The following CSMD1 variants were observed in gnomAD, a reference collection of about 807,000 sequenced individuals.
The protein encoded by CSMD1 is CUB and Sushi multiple domains 1.
CSMD1 carries 213 observed loss-of-function variants against 417.5 expected under a neutral mutation model. The observed-to-expected ratio is 0.51, with a 90% CI of 0.46 to 0.57. CSMD1 has a LOEUF of 0.57. CSMD1 is among the 20% of genes least tolerant of loss of function. The probability of loss-of-function intolerance (pLI) is 0.00; values close to 1 mark genes in which losing one functional copy is unlikely to be tolerated. For missense variants in CSMD1, 6,923 were observed against 4,529.7 expected, an observed-to-expected ratio of 1.53 and a Z score of -15.17; for synonymous variants, 2,862 against 1,736.8, an observed-to-expected ratio of 1.65 and a Z score of -16.11.
intron 3 of CSMD1, among the ~76,000 whole-genome samples, chr8:4,249,037 C>G (rs1003483959): frequency 2.6e-5 from 4 of 152,102 alleles, no homozygotes; most frequent in African/African-American, 9.7e-5. Context: ...CTGGCATATG[C>G]TACTCAATGA....
At position 4,706,127 on chromosome 8, in the gene CSMD1, TTACA is replaced by T. The variant is rs1316936261; in HGVS notation, c.86-68573_86-68570del. 2.0e-5 allele frequency among the ~76,000 whole-genome samples: 3 copies of T among 150,560 alleles called. No homozygotes were observed. The East Asian group carries it at 5.8e-4, about 29-fold the overall frequency. On this transcript the variant is annotated intron_variant, in intron 1 of 69. Coordinates refer to ENST00000635120, the MANE Select transcript of CSMD1 (RefSeq NM_033225.6). Reference sequence around the variant, plus strand: ...ACTATATATTTTCATGTCCTATATATTACATATTTTATATTAAAATTTTATGTAT... The same window carrying T: ...ACTATATATTTTCATGTCCTATATATTATTTTATATTAAAATTTTATGTAT...
intron 3 of CSMD1, among the ~76,000 whole-genome samples, chr8:4,152,305 A>T (rs1231846067): frequency 6.6e-6 from 1 of 152,174 alleles, no homozygotes; most frequent in African/African-American, 2.4e-5. Flanking sequence ...TTCCAGTTAT[A>T]AATCAGCTTT....
rs559747728 is a variant in CSMD1, at chr8:4,736,527, A to G, written c.86-98969T>C. Among the ~76,000 whole-genome samples, 4 of 152,288 alleles carry G rather than the reference A, an allele frequency of 2.6e-5. No individual in the cohort carries two copies. In the South Asian group the frequency reaches 8.3e-4, roughly 32 times the overall value. The stretch of plus-strand genomic sequence containing the variant: ...TACTCAAGCATACACTGCGGCCATG[A>G]CAGCATGACAGCTGCGGGAAAACCC... On this transcript the variant is annotated intron_variant, in intron 1 of 69. Coordinates refer to ENST00000635120, the MANE Select transcript of CSMD1 (RefSeq NM_033225.6).
chr8:3,592,202 G>A (rs1584932917), intron 8 of CSMD1, among the ~76,000 whole-genome samples: 1 of 152,102 alleles, frequency 6.6e-6, no homozygotes, highest in African/African-American at 2.4e-5. Flanking sequence ...TAGATGGACA[G>A]AAAGATAAAC....
chr8:4,403,064 C>G (rs1361670213), intron 3 of CSMD1, among the ~76,000 whole-genome samples: 6 of 151,804 alleles, frequency 4.0e-5, no homozygotes, highest in African/African-American at 1.2e-4. Context: ...ATCTCCTGAC[C>G]TCGTGATCCG....
intron 41 of CSMD1, among the ~76,000 whole-genome samples, chr8:3,124,059 C>A (rs1041208934): frequency 6.6e-6 from 1 of 152,094 alleles, no homozygotes; most frequent in Admixed American, 6.6e-5. Context: ...CCAATGGCTG[C>A]GGGCTACTCT....
chr8:3,935,667 T>C (rs1042452263), intron 5 of CSMD1, among the ~76,000 whole-genome samples: 11 of 152,162 alleles, frequency 7.2e-5, no homozygotes, highest in Non-Finnish European at 1.0e-4. Context: ...AGTCAATAAA[T>C]GTGTGTGTTC....
At chr8:3,384,669 C>T (rs1321785457) in intron 18 of CSMD1, among the ~76,000 whole-genome samples, 6 of 124,776 alleles carry the variant, frequency 4.8e-5, no homozygotes, top group East Asian at 2.3e-4. Context: ...AATATAGATG[C>T]TATTTATATA....
At chr8:4,862,375 T>A (rs1335360363) in intron 1 of CSMD1, among the ~76,000 whole-genome samples, 1 of 152,116 alleles carries the variant, frequency 6.6e-6, no homozygotes, top group Non-Finnish European at 1.5e-5. Context: ...TTGATTTGGC[T>A]AGCAGTAGTT....
chr8:3,652,198 C>G (rs1472931480), intron 7 of CSMD1, among the ~76,000 whole-genome samples: 1 of 136,282 alleles, frequency 7.3e-6, no homozygotes, highest in South Asian at 2.4e-4. Flanking sequence ...CCACCTTCAG[C>G]GGGCCTACCA....
intron 6 of CSMD1, among the ~76,000 whole-genome samples, chr8:3,735,512 G>C (rs968658808): frequency 1.3e-5 from 2 of 152,288 alleles, no homozygotes; most frequent in Admixed American, 6.5e-5. Flanking sequence ...ATTAGCTACT[G>C]ATTCTGTCCA....
rs573513959 is a variant in CSMD1, at chr8:4,035,943, C to G, written c.416-3844G>C. 1.1e-3 allele frequency among the ~76,000 whole-genome samples: 161 copies of G among 152,296 alleles called. 1 individual carries two copies. Among genetic ancestry groups the G allele is most frequent in the African/African-American group, 3.8e-3 (156 of 41,564 alleles). ...AGAGCAACTTCCAGCCCCACAAACTCTATTCACGGTAAGTGTCCTATGAGA... is the reference window on the plus strand; with the variant it reads ...AGAGCAACTTCCAGCCCCACAAACTGTATTCACGGTAAGTGTCCTATGAGA... On this transcript the variant is annotated intron_variant, in intron 3 of 69. Transcript: ENST00000635120.
intron 3 of CSMD1, among the ~76,000 whole-genome samples, chr8:4,118,548 C>T (rs981878441): frequency 1.3e-5 from 2 of 152,144 alleles, no homozygotes; most frequent in Non-Finnish European, 2.9e-5. Flanking sequence ...GGGATACCAT[C>T]TCACGCCAGT....
intron 7 of CSMD1, among the ~76,000 whole-genome samples, chr8:3,649,703 C>A (rs150432555): frequency 6.6e-6 from 1 of 152,074 alleles, no homozygotes; most frequent in Non-Finnish European, 1.5e-5. Context: ...TGAGGATTAT[C>A]GGGATTATAA....
intron 2 of CSMD1, among the ~76,000 whole-genome samples, chr8:4,588,366 T>C (rs536657780): frequency 2.6e-4 from 40 of 151,456 alleles, no homozygotes; most frequent in African/African-American, 9.2e-4. Context: ...GGCTATGCTA[T>C]CTAGAGACAG....
chr8:3,722,359 C>A (rs1010076287), intron 6 of CSMD1, among the ~76,000 whole-genome samples: 1 of 152,050 alleles, frequency 6.6e-6, no homozygotes, highest in Non-Finnish European at 1.5e-5. Flanking sequence ...AAATCTAAGA[C>A]GAAGTTGAGG....
At chr8:3,333,490 C>T (rs1211352300) in intron 23 of CSMD1, among the ~76,000 whole-genome samples, 1 of 152,128 alleles carries the variant, frequency 6.6e-6, no homozygotes, top group Non-Finnish European at 1.5e-5. Flanking sequence ...TATGTAAAAA[C>T]AAAATTTTGC....
intron 1 of CSMD1, among the ~76,000 whole-genome samples, chr8:4,831,687 T>C (rs1429134855): frequency 6.6e-6 from 1 of 152,186 alleles, no homozygotes; most frequent in Non-Finnish European, 1.5e-5. Flanking sequence ...TTCAATGAAA[T>C]GGTCAATAAA....
intron 3 of CSMD1, among the ~76,000 whole-genome samples, chr8:4,248,054 A>G (rs1045078493): frequency 1.3e-5 from 2 of 152,204 alleles, no homozygotes; most frequent in African/African-American, 4.8e-5. Context: ...TGATCATTTG[A>G]ATGAATGGAA....
Sources: gnomAD v4.1 joint callset for allele counts (sites outside exome capture counted in the v4.1 genomes callset) on GRCh38, gnomAD v4.1.1 for gene constraint, MANE v1.5 for transcripts, NCBI Gene and HGNC (gene_info 2026-07-23, HGNC 2026-07-21) for gene names.